Variants in P2RY8 observed in about 807,000 individuals in gnomAD.
P2RY8 encodes P2Y receptor family member 8.
In P2RY8, 6 loss-of-function variants were observed where a neutral mutation model predicts 10.0. That is an observed-to-expected ratio of 0.60 (90% confidence interval 0.33 to 1.19). The LOEUF is 1.19. P2RY8 is among the 50% of genes most tolerant of loss of function. P2RY8 has a pLI of 0.04. For synonymous variants in P2RY8, 276 were observed against 252.5 expected (o/e 1.09, Z -0.88); for missense variants, 456 against 542.0 (o/e 0.84, Z 1.58).
rs762049300 is a variant in P2RY8, at chrX:1,486,969, G to A, written c.-24-20387C>T. Among the ~76,000 whole-genome samples, 13 of 152,368 alleles carry A rather than the reference G, an allele frequency of 8.5e-5. No homozygotes were observed. In the South Asian group the frequency reaches 1.9e-3, roughly 22 times the overall value. On this transcript the variant is annotated intron_variant, in intron 1 of 1. Coordinates refer to ENST00000381297, the MANE Select transcript of P2RY8 (RefSeq NM_178129.5). ...CCCGGGACAGGGCAGCCCCAGGGCC[G>A]AGCTTCCGCTTTTGGGGGATGCAGT... is the stretch of plus-strand genomic sequence containing the variant.
At chrX:1,508,578 A>T (rs2092255587) in intron 1 of P2RY8, among the ~76,000 whole-genome samples, 2 of 150,584 alleles carry the variant, frequency 1.3e-5, no homozygotes, top group Admixed American at 6.6e-5. Flanking sequence ...TCTATCTATC[A>T]TCTATGTATC....
intron 1 of P2RY8, among the ~76,000 whole-genome samples, chrX:1,512,307 G>C (rs773541272): frequency 3.9e-5 from 6 of 152,108 alleles, no homozygotes; most frequent in African/African-American, 1.4e-4. Flanking sequence ...AGCGCACTGG[G>C]AGGCCGAGGT....
At chrX:1,493,434 G>GGAAGGAGGGAGGGAGGGAA (rs1556679279) in intron 1 of P2RY8, among the ~76,000 whole-genome samples, 2 of 17,722 alleles carry the variant, frequency 1.1e-4, no homozygotes, top group Non-Finnish European at 2.7e-4. Flanking sequence ...GGAGGAGGGA[G>GGAAGGAGGGAGGGAGGGAA]GGAAGGAGGA....
intron 1 of P2RY8, among the ~76,000 whole-genome samples, chrX:1,485,369 G>A (rs773419237): frequency 6.6e-6 from 1 of 151,988 alleles, no homozygotes; most frequent in East Asian, 1.9e-4. Flanking sequence ...AAATTCCTGA[G>A]GTCAGGCAAT....
chrX:1,500,136 G>C (rs1371311111), intron 1 of P2RY8, among the ~76,000 whole-genome samples: 1 of 151,646 alleles, frequency 6.6e-6, no homozygotes, highest in Non-Finnish European at 1.5e-5. Context: ...GGGATGACAG[G>C]CGTGAGCCAC....
At chrX:1,536,176 C>T (rs1384462944) in intron 1 of P2RY8, among the ~76,000 whole-genome samples, 3 of 152,040 alleles carry the variant, frequency 2.0e-5, no homozygotes, top group Non-Finnish European at 4.4e-5. Flanking sequence ...CAATCTCAGG[C>T]GTAAATGGGT....
chrX:1,535,518 C>T (rs1209019674), intron 1 of P2RY8, among the ~76,000 whole-genome samples: 2 of 151,802 alleles, frequency 1.3e-5, no homozygotes, highest in African/African-American at 4.8e-5. Context: ...CGCTGCTTGC[C>T]AAAGTCAAGT....
At chrX:1,534,187 T>C (rs1454147352) in intron 1 of P2RY8, among the ~76,000 whole-genome samples, 2 of 140,014 alleles carry the variant, frequency 1.4e-5, no homozygotes, top group Admixed American at 7.7e-5. Flanking sequence ...TATATATTTA[T>C]ATATATTTAC....
chrX:1,498,966 C>T (rs1348034247), intron 1 of P2RY8, among the ~76,000 whole-genome samples: 1 of 151,788 alleles, frequency 6.6e-6, no homozygotes, highest in East Asian at 1.9e-4. Flanking sequence ...TCCTGAGTAG[C>T]TGGGATTACA....
rs1293040317 is a variant in P2RY8 at position 1,501,494 on chromosome X, TG to T, written c.-24-34913del. On this transcript the variant is annotated intron_variant, in intron 1 of 1. Coordinates refer to ENST00000381297, the MANE Select transcript of P2RY8 (RefSeq NM_178129.5). ...CTCCCACCTCAGCCTCCTGAGCAGC[TG>T]GGACCACAGGTGCTCACCACCATGG... is the stretch of plus-strand genomic sequence containing the variant. Among the ~76,000 whole-genome samples, 7 of 152,308 alleles carry T rather than the reference TG, an allele frequency of 4.6e-5. No homozygotes were observed. The South Asian group carries it at 8.3e-4, about 18-fold the overall frequency.
intron 1 of P2RY8, among the ~76,000 whole-genome samples, chrX:1,493,348 G>A (rs1286875204): frequency 3.8e-5 from 3 of 79,970 alleles, no homozygotes; most frequent in African/African-American, 1.0e-4. Flanking sequence ...GGGGAGGGGA[G>A]GGGAGGGGAG....
At chrX:1,467,408 G>C (rs73182978) in intron 1 of P2RY8, among the ~76,000 whole-genome samples, 3 of 151,880 alleles carry the variant, frequency 2.0e-5, no homozygotes, top group Non-Finnish European at 2.9e-5. Context: ...CCGCCGGTCC[G>C]TGCCCAGGTG....
chrX:1,530,401 A>C (rs1171580937), intron 1 of P2RY8, among the ~76,000 whole-genome samples: 1 of 151,248 alleles, frequency 6.6e-6, no homozygotes, highest in Admixed American at 6.6e-5. Flanking sequence ...TATCTCTCTA[A>C]TCTATTAATG....
intron 1 of P2RY8, among the ~76,000 whole-genome samples, chrX:1,498,304 G>T (rs1205535200): frequency 6.7e-6 from 1 of 149,552 alleles, no homozygotes; most frequent in South Asian, 2.1e-4. Context: ...TACTCGGGAG[G>T]CTGAGGCAGG....
intron 1 of P2RY8, among the ~76,000 whole-genome samples, chrX:1,489,393 A>G (rs2092019797): frequency 6.6e-6 from 1 of 152,160 alleles, no homozygotes; most frequent in Non-Finnish European, 1.5e-5. Flanking sequence ...GAGGGAATGA[A>G]TGACTGACAC....
chrX:1,522,493 G>T (rs1248834983), intron 1 of P2RY8, among the ~76,000 whole-genome samples: 1 of 152,158 alleles, frequency 6.6e-6, no homozygotes, highest in Non-Finnish European at 1.5e-5. Context: ...ACCAAGATGC[G>T]ATAATTATAG....
At chrX:1,534,450 C>T (rs1162026257) in intron 1 of P2RY8, among the ~76,000 whole-genome samples, 2 of 152,046 alleles carry the variant, frequency 1.3e-5, no homozygotes, top group East Asian at 1.9e-4. Flanking sequence ...CACGCCCTTT[C>T]CGTACCTTAA....
chrX:1,509,466 A>G (rs2092275644), intron 1 of P2RY8, among the ~76,000 whole-genome samples: 1 of 140,834 alleles, frequency 7.1e-6, no homozygotes, highest in African/African-American at 2.8e-5. Flanking sequence ...CCATCCATGT[A>G]TGTGTCTATC....
Position 1,464,822 on chromosome X carries a change from G to C in P2RY8, c.*657C>G, listed in dbSNP as rs2091640316. ...TGGGGGGAAGTGGGCACGGAGAGTA[G>C]CTGACTTGCAGGAGCCCCAGGCGCT... On this transcript the variant is annotated 3_prime_UTR_variant, in exon 2 of 2. Transcript: ENST00000381297. The C allele has an allele frequency of 1.7e-5, 4 of 233,468 alleles. No homozygotes were observed. In the Admixed American group the frequency reaches 2.2e-4, roughly 13 times the overall value. The allele number at this position is 233,468 out of a possible 1,614,324, so 14.5% of individuals were successfully genotyped here. A position where few individuals can be genotyped will look rare whatever the true frequency, so the allele number is the denominator to read the frequency against.
Sources: allele counts gnomAD v4.1 joint callset (sites outside exome capture counted in the v4.1 genomes callset), GRCh38; gene constraint gnomAD v4.1.1; transcripts MANE v1.5; gene names NCBI Gene and HGNC (gene_info 2026-07-23, HGNC 2026-07-21).